The following PCDHA3 variants were observed in gnomAD, a reference collection of about 807,000 sequenced individuals.
The protein encoded by PCDHA3 is protocadherin alpha 3.
A neutral mutation model predicts 62.2 loss-of-function variants in PCDHA3; 41 were observed. The observed-to-expected ratio is 0.66, with a 90% CI of 0.51 to 0.86. The LOEUF is 0.86. Among genes scored for constraint, PCDHA3 ranks in the 40% least tolerant of loss-of-function variants. PCDHA3 has a pLI of 0.00. For synonymous variants in PCDHA3, 640 were observed against 555.4 expected (o/e 1.15, Z -2.14); for missense variants, 1,304 against 1,241.2 (o/e 1.05, Z -0.76).
intron 1 of PCDHA3, chr5:140,876,877 C>T: frequency 6.2e-7 from 1 of 1,614,138 alleles, no homozygotes; most frequent in Non-Finnish European, 8.5e-7. Context: ...GGAGAACAAC[C>T]CGCCGGGCTG....
At chr5:140,829,788 T>C in intron 1 of PCDHA3, 2 of 1,613,804 alleles carry the variant, frequency 1.2e-6, no homozygotes, top group Non-Finnish European at 8.5e-7. Flanking sequence ...CCGGCGCTGC[T>C]GGCGCCTCGG....
At chr5:140,830,392 G>T in intron 1 of PCDHA3, 2 of 1,614,160 alleles carry the variant, frequency 1.2e-6, no homozygotes, top group Non-Finnish European at 8.5e-7. Flanking sequence ...CACCCAAGAT[G>T]GATCTCATGG....
At chr5:140,809,164 G>GACGGCC (rs782115685) in intron 1 of PCDHA3, 1 of 1,614,000 alleles carries the variant, frequency 6.2e-7, no homozygotes, top group Non-Finnish European at 8.5e-7. Context: ...AGCCCGCGCT[G>GACGGCC]ACGGCCACGG....
At chr5:140,870,483 C>G (rs782740203) in intron 1 of PCDHA3, 10 of 1,614,240 alleles carry the variant, frequency 6.2e-6, no homozygotes, top group Middle Eastern at 1.6e-4. Context: ...CCGAGTACAC[C>G]GTGTTCGTGA....
chr5:140,967,140 C>T (rs781814682), intron 1 of PCDHA3: 4 of 1,611,022 alleles, frequency 2.5e-6, no homozygotes, highest in East Asian at 2.2e-5. Flanking sequence ...GAAGTGCTGG[C>T]GCACAACCCC....
rs1781368180 is a variant in PCDHA3 at position 140,848,199 on chromosome 5, A to G, written c.2394+44608A>G. 9.4e-6 allele frequency: 3 copies of G among 318,910 alleles called. No individual in the cohort carries two copies. In the East Asian group the frequency reaches 1.6e-4, roughly 17 times the overall value. The allele number at this position is 318,910 out of a possible 1,614,324, so 19.8% of individuals were successfully genotyped here. ...GAGAAACGGGATCTTCTGTTTCAAC[A>G]ATCATTACTTAAGAAAAAATTAAGA... On this transcript the variant is annotated intron_variant, in intron 1 of 3. Transcript: ENST00000522353.
chr5:140,922,581 C>T (rs893700923), intron 1 of PCDHA3, among the ~76,000 whole-genome samples: 2 of 152,104 alleles, frequency 1.3e-5, no homozygotes, highest in Non-Finnish European at 2.9e-5. Context: ...GCCCTGTAGC[C>T]GCCAGTTCTC....
At position 140,833,364 on chromosome 5, in the gene PCDHA3, G is replaced by A. The variant is rs1298324769; in HGVS notation, c.2394+29773G>A. On this transcript the variant is annotated intron_variant, in intron 1 of 3. Transcript: ENST00000522353. ...ACATTCCAGAAAACGAACACAGTAA[G>A]GTAGATCCAAAAAGGATGAAATACC... Among the ~76,000 whole-genome samples the A allele has an allele frequency of 2.6e-5, 4 of 152,118 alleles. No homozygotes were observed. In the South Asian group the frequency reaches 8.3e-4, roughly 31 times the overall value.
At chr5:140,928,348 G>A in intron 1 of PCDHA3, 1 of 1,614,172 alleles carries the variant, frequency 6.2e-7, no homozygotes, top group Non-Finnish European at 8.5e-7. Context: ...TGAGCTGTTG[G>A]ATGTTATCTC....
intron 1 of PCDHA3, chr5:140,809,252 C>A (rs1314068849): frequency 1.2e-6 from 2 of 1,614,082 alleles, no homozygotes; most frequent in African/African-American, 1.3e-5. Flanking sequence ...CGCTGTGGGT[C>A]CCGATGCTGC....
intron 3 of PCDHA3, among the ~76,000 whole-genome samples, chr5:140,989,866 T>G (rs2097364293): frequency 6.6e-6 from 1 of 152,012 alleles, no homozygotes; most frequent in South Asian, 2.1e-4. Flanking sequence ...GGAATCTTTC[T>G]CTGCCTCAGC....
At chr5:140,871,075 C>A in intron 1 of PCDHA3, 1 of 1,613,242 alleles carries the variant, frequency 6.2e-7, no homozygotes. Context: ...TGAGCCGGCG[C>A]TGACGGCCAC....
At chr5:140,824,998 G>C (rs2150137892) in intron 1 of PCDHA3, 3 of 151,664 alleles carry the variant, frequency 2.0e-5, no homozygotes, top group Admixed American at 1.3e-4. Context: ...ACATATACAT[G>C]GTTTACTGTT....
intron 1 of PCDHA3, chr5:140,863,499 T>G: frequency 2.3e-6 from 1 of 434,624 alleles, no homozygotes; most frequent in Non-Finnish European, 4.6e-6. Context: ...CATTACGGCT[T>G]TTAGTCCTAG....
At chr5:140,979,211 A>G (rs1241898337) in intron 2 of PCDHA3, among the ~76,000 whole-genome samples, 18 of 152,222 alleles carry the variant, frequency 1.2e-4, no homozygotes, top group Admixed American at 7.9e-4. Context: ...GTGCTGGCAT[A>G]TAAGAGTCCT....
chr5:140,814,401 A>G (rs1765508125), intron 1 of PCDHA3: 2 of 151,200 alleles, frequency 1.3e-5, no homozygotes, highest in East Asian at 1.9e-4. Flanking sequence ...TTCTAGTGGA[A>G]TACTTCCCAA....
intron 1 of PCDHA3, chr5:140,862,299 T>C: frequency 3.7e-6 from 1 of 273,624 alleles, no homozygotes; most frequent in Non-Finnish European, 7.2e-6. Flanking sequence ...GACGCTCCAC[T>C]GGGTACCGTC....
chr5:140,869,654 C>G, intron 1 of PCDHA3: 2 of 1,613,446 alleles, frequency 1.2e-6, no homozygotes, highest in African/African-American at 1.3e-5. Context: ...GATTCACCAA[C>G]AAATGGTAAG....
Position 140,801,835 on chromosome 5 carries a change from C to T in PCDHA3, c.638C>T (p.Thr213Ile), listed in dbSNP as rs1762796543. 1.2e-6 allele frequency: 2 copies of T among 1,614,054 alleles called. No homozygotes were observed. The change falls in exon 1 of 4, where the codon ACA becomes ATA. Residue 213 changes from threonine (T) to isoleucine (I), a missense_variant. Thr to Ile is a moderately conservative substitution (Grantham distance 89, BLOSUM62 -1). Coordinates refer to ENST00000522353, the MANE Select transcript of PCDHA3 (RefSeq NM_018906.3). ...EDTPKHYLLI[T>I]AIDGGKPELT... The stretch of plus-strand genomic sequence containing the variant: ...ACTCCTAAGCATTATTTACTAATAA[C>T]AGCAATTGATGGTGGGAAACCAGAG...
Sources: allele counts gnomAD v4.1 joint callset (sites outside exome capture counted in the v4.1 genomes callset), GRCh38; gene constraint gnomAD v4.1.1; transcripts MANE v1.5; gene names NCBI Gene and HGNC (gene_info 2026-07-23, HGNC 2026-07-21).